Variants in ANPEP observed in about 807,000 individuals in gnomAD.
The protein encoded by ANPEP is aminopeptidase N.
Under a neutral mutation model 114.6 loss-of-function variants are expected in ANPEP, and 70 were observed. That is an observed-to-expected ratio of 0.61 (90% confidence interval 0.50 to 0.75). The LOEUF is 0.75. Ranked by LOEUF, ANPEP falls within the 30% of genes least tolerant of loss-of-function variation. The pLI, the probability that ANPEP is intolerant of heterozygous loss-of-function variation, is 0.00. For missense variants in ANPEP, 1,184 were observed against 1,259.5 expected (o/e 0.94, Z 0.91); for synonymous variants, 548 against 522.3 (o/e 1.05, Z -0.67).
chr15:89,801,624 A>G lies in ANPEP; in HGVS notation c.1570-17T>C. 1 of 1,610,430 alleles carries G rather than the reference A, an allele frequency of 6.2e-7. No homozygotes were observed. ...GTTCACAGCCTGTGGGTGGAGCGAG[A>G]GGGCGTGGCCATCAGTGGGACCCTC... is the stretch of plus-strand genomic sequence containing the variant. On this transcript the variant is annotated splice_polypyrimidine_tract_variant and intron_variant, in intron 10 of 20. Transcript: ENST00000300060.
At chr15:89,788,317 G>A (rs547005651) in intron 20 of ANPEP, among the ~76,000 whole-genome samples, 17 of 152,250 alleles carry the variant, frequency 1.1e-4, no homozygotes, top group East Asian at 1.9e-4. Context: ...CCCTGCTACC[G>A]TATGCATGAA....
chr15:89,805,348 T>TC lies in ANPEP; in HGVS notation c.729dup (p.Thr244AspfsTer25), dbSNP rs1355242563. 1 of 1,614,106 alleles carries TC rather than the reference T, an allele frequency of 6.2e-7. No individual in the cohort carries two copies. Among genetic ancestry groups the TC allele is most frequent in the Admixed American group, 1.7e-5 (1 of 60,016 alleles). On this transcript the variant is annotated frameshift_variant, in exon 3 of 21. Coordinates refer to ENST00000300060, the MANE Select transcript of ANPEP (RefSeq NM_001150.3). LOFTEE classifies it high-confidence loss of function. ...TTGGGAAGCATGTTGGACAGGGCTG[T>TC]CAGGTCCTTGGGGTGGATAAGCGTG... is the stretch of plus-strand genomic sequence containing the variant.
intron 20 of ANPEP, among the ~76,000 whole-genome samples, chr15:89,789,388 A>G (rs1968571538): frequency 6.6e-6 from 1 of 152,216 alleles, no homozygotes; most frequent in South Asian, 2.1e-4. Context: ...TTTATAAACA[A>G]CTTAGAAAAT....
intron 1 of ANPEP, among the ~76,000 whole-genome samples, chr15:89,813,660 C>T (rs1894854264): frequency 6.6e-6 from 1 of 152,172 alleles, no homozygotes; most frequent in African/African-American, 2.4e-5. Context: ...GCCAGCCTTC[C>T]TGTGGGACAG....
intron 1 of ANPEP, among the ~76,000 whole-genome samples, chr15:89,809,378 A>G (rs1261294076): frequency 6.6e-6 from 1 of 152,220 alleles, no homozygotes; most frequent in Non-Finnish European, 1.5e-5. Flanking sequence ...CTGGCCCACC[A>G]TACTCTCTTC....
At chr15:89,788,069 T>C (rs1339257000) in intron 20 of ANPEP, among the ~76,000 whole-genome samples, 2 of 152,332 alleles carry the variant, frequency 1.3e-5, no homozygotes, top group Non-Finnish European at 2.9e-5. Flanking sequence ...TTGGAAAACA[T>C]TTTGTCAGTT....
intron 19 of ANPEP, 133 bp downstream of exon 19, chr15:89,790,819 AC>A: frequency 8.4e-7 from 1 of 1,188,326 alleles, no homozygotes; most frequent in Non-Finnish European, 1.2e-6. Context: ...TTCCTGCCCC[AC>A]CCTAGCCCCC....
chr15:89,810,350 G>A (rs1212576218), intron 1 of ANPEP, among the ~76,000 whole-genome samples: 1 of 151,978 alleles, frequency 6.6e-6, no homozygotes, highest in Non-Finnish European at 1.5e-5. Context: ...CTGTACTCCA[G>A]CCTGGGGGAC....
chr15:89,789,696 C>T (rs1193976861), intron 20 of ANPEP, among the ~76,000 whole-genome samples: 2 of 149,856 alleles, frequency 1.3e-5, no homozygotes, highest in African/African-American at 5.0e-5. Context: ...TTGATTGAAC[C>T]CCAGAGGCAG....
chr15:89,813,990 CT>C lies in ANPEP; in HGVS notation c.-224+781del, dbSNP rs1376812353. On this transcript the variant is annotated intron_variant, in intron 1 of 20. Coordinates refer to ENST00000300060, the MANE Select transcript of ANPEP (RefSeq NM_001150.3). ...TGGGCCGTCCCTGCCCACCGCACTG[CT>C]GGGGGGGGGGGGTGCGTTCTGGAGT... Among the ~76,000 whole-genome samples, 337 of 93,746 alleles carry C rather than the reference CT, an allele frequency of 3.6e-3. 3 individuals are homozygous for C. Among genetic ancestry groups the C allele is most frequent in the East Asian group, 0.035 (104 of 2,932 alleles). 61.5% of individuals were successfully genotyped at this position (93,746 alleles called of 152,430 possible).
rs879316791 is a variant in ANPEP, at chr15:89,790,078, AAAAAAAT to A, written c.2751+375_2751+381del. 1.2e-3 allele frequency among the ~76,000 whole-genome samples: 162 copies of A among 140,426 alleles called. 3 individuals are homozygous for A. The highest frequency in any genetic ancestry group is 1.5e-3 in the Admixed American group (21 of 14,216). The allele number at this position is 140,426 out of a possible 152,430, so 92.1% of individuals were successfully genotyped here. ...CATCTCAAAAAAAAAATAAAAAATA[AAAAAAAT>A]AAAAGAATGCGTTTATTTTTCATAT... is the stretch of plus-strand genomic sequence containing the variant. On this transcript the variant is annotated intron_variant, in intron 20 of 20. Transcript: ENST00000300060.
intron 1 of ANPEP, among the ~76,000 whole-genome samples, chr15:89,809,212 C>A (rs1197484549): frequency 6.6e-6 from 1 of 152,250 alleles, no homozygotes; most frequent in Admixed American, 6.5e-5. Flanking sequence ...ATCTTTACAG[C>A]ACCCCCCAGG....
chr15:89,789,207 C>T (rs1330669077), intron 20 of ANPEP, among the ~76,000 whole-genome samples: 2 of 151,364 alleles, frequency 1.3e-5, no homozygotes, highest in African/African-American at 2.4e-5. Flanking sequence ...CTGGAACTCC[C>T]GACCTCAGGT....
rs373066082 is a variant in ANPEP, at chr15:89,803,943, G to A, written c.1239C>T (p.Phe413=). ...WWNDLWLNEG[F]ASYVEYLGAD... ...CACCCAGGTACTCCACGTAGGAGGCGAAGCCCTCGTTCAGCCACAGGTCAT... is the reference window on the plus strand; with the variant it reads ...CACCCAGGTACTCCACGTAGGAGGCAAAGCCCTCGTTCAGCCACAGGTCAT... The change falls in exon 7 of 21, where the codon TTC becomes TTT. Residue 413 remains phenylalanine (F), a synonymous_variant. Transcript: ENST00000300060. This position sits in a 1 kb window ranked among gnomAD's most constrained non-coding sequence, Gnocchi z 4.2. 165 of 1,614,040 alleles carry A rather than the reference G, an allele frequency of 1.0e-4. No homozygotes were observed. Among genetic ancestry groups the A allele is most frequent in the Middle Eastern group, 1.6e-4 (1 of 6,082 alleles).
At chr15:89,804,232 C>A in intron 6 of ANPEP, 21 bp downstream of exon 6, 1 of 1,613,688 alleles carries the variant, frequency 6.2e-7, no homozygotes, top group Non-Finnish European at 8.5e-7. Context: ...CTTCTCCGCA[C>A]TCCCCGAGAT....
rs887149204 is a variant in ANPEP at position 89,801,135 on chromosome 15, C to T, written c.1795G>A (p.Asp599Asn). Reference sequence around the variant, plus strand: ...CCTCTTACATCTATCAGCCAGTAGTCCTGCTGCTGTCTGCCATCTCTGATG... The same window carrying T: ...CCTCTTACATCTATCAGCCAGTAGTTCTGCTGCTGTCTGCCATCTCTGATG... ...TSIRDGRQQQ[D>N]YWLIDVRAQN... is the part of the protein sequence containing the mutation. The change falls in exon 12 of 21, where the codon GAC becomes AAC. Residue 599 changes from aspartate to asparagine, a missense_variant. Asp to Asn is a conservative substitution (Grantham distance 23). Transcript: ENST00000300060. 3 of 1,614,150 alleles carry T rather than the reference C, an allele frequency of 1.9e-6. No individual in the cohort carries two copies. Among genetic ancestry groups the T allele is most frequent in the Non-Finnish European group, 2.5e-6 (3 of 1,180,036 alleles).
chr15:89,793,417 G>C (rs1478193042), intron 15 of ANPEP, among the ~76,000 whole-genome samples: 1 of 152,130 alleles, frequency 6.6e-6, no homozygotes, highest in Non-Finnish European at 1.5e-5. Flanking sequence ...TATTCCATGA[G>C]TTGCTGGGCG....
chr15:89,787,315 G>A (rs1480164345), intron 20 of ANPEP, among the ~76,000 whole-genome samples: 1 of 152,080 alleles, frequency 6.6e-6, no homozygotes, highest in Non-Finnish European at 1.5e-5. Context: ...AAAGTGCTGG[G>A]ATTACAGGCG....
In ANPEP at chr15:89,806,470, GTTC is replaced by G; in HGVS notation, c.111_113del (p.Lys37del). 1 of 1,614,130 alleles carries G rather than the reference GTTC, an allele frequency of 6.2e-7. No homozygotes were observed. Among genetic ancestry groups the G allele is most frequent in the Non-Finnish European group, 8.5e-7 (1 of 1,180,004 alleles). On this transcript the variant is annotated inframe_deletion, in exon 2 of 21. Transcript: ENST00000300060. This position sits in a 1 kb window ranked among gnomAD's most constrained non-coding sequence, Gnocchi z 5.7. ...CCACGGGGGAGCTGTTGGCGTTCTT[GTTC>G]TTCTCCTGGGAGTACACCACTGACA...
Sources: gnomAD v4.1 joint callset for allele counts (sites outside exome capture counted in the v4.1 genomes callset) on GRCh38, gnomAD v4.1.1 for gene constraint, Gnocchi (gnomAD v3.1) non-coding constraint, MANE v1.5 for transcripts, NCBI Gene and HGNC (gene_info 2026-07-23, HGNC 2026-07-21) for gene names.